HS2ST1: variants seen among roughly 807,000 people sequenced by gnomAD.
HS2ST1 encodes heparan sulfate 2-O-sulfotransferase 1.
Under a neutral mutation model 42.9 loss-of-function variants are expected in HS2ST1, and 18 were observed. The observed-to-expected ratio is 0.42, with a 90% confidence interval of 0.29 to 0.62. The LOEUF (loss-of-function observed/expected upper bound fraction) is 0.62, where lower values mean the gene tolerates loss of function less well. Ranked by LOEUF, HS2ST1 falls within the 20% of genes least tolerant of loss-of-function variation. The probability of loss-of-function intolerance (pLI) is 0.21; values close to 1 mark genes in which losing one functional copy is unlikely to be tolerated. For missense variants in HS2ST1, 334 were observed against 433.8 expected, an observed-to-expected ratio of 0.77 and a Z score of 2.04; for synonymous variants, 146 against 152.9, an observed-to-expected ratio of 0.95 and a Z score of 0.33.
At chr1:86,930,146 TA>T (rs1660514493) in intron 1 of HS2ST1, among the ~76,000 whole-genome samples, 1 of 151,922 alleles carries the variant, frequency 6.6e-6, no homozygotes, top group African/African-American at 2.4e-5. Context: ...GCATTATTCT[TA>T]AGTACAGGTC....
chr1:87,006,071 C>A (rs998506255), intron 1 of HS2ST1, among the ~76,000 whole-genome samples: 1 of 151,608 alleles, frequency 6.6e-6, no homozygotes, highest in African/African-American at 2.4e-5. Flanking sequence ...GTTATGAAAA[C>A]AAAACTTTAA....
intron 1 of HS2ST1, among the ~76,000 whole-genome samples, chr1:87,041,235 A>G (rs1263795382): frequency 2.1e-5 from 2 of 94,504 alleles, no homozygotes; most frequent in African/African-American, 7.3e-5. Flanking sequence ...TAAAAAAAAA[A>G]AAAAACAAAA....
intron 1 of HS2ST1, among the ~76,000 whole-genome samples, chr1:86,999,575 T>C (rs1649216859): frequency 6.6e-6 from 1 of 152,214 alleles, no homozygotes; most frequent in South Asian, 2.1e-4. Context: ...CAGTTTCAGC[T>C]CTTTTCTGTA....
intron 1 of HS2ST1, among the ~76,000 whole-genome samples, chr1:87,002,151 A>G (rs1227014992): frequency 6.6e-6 from 1 of 151,798 alleles, no homozygotes; most frequent in Non-Finnish European, 1.5e-5. Flanking sequence ...TGACCTCGTG[A>G]TCCACCCGCT....
intron 2 of HS2ST1, among the ~76,000 whole-genome samples, chr1:87,074,197 G>A (rs527809001): frequency 2.2e-4 from 33 of 152,140 alleles, no homozygotes; most frequent in African/African-American, 5.5e-4. Context: ...ACTCTTTTTT[G>A]TAGAACCAAA....
At chr1:87,056,694 G>A (rs1379149792) in intron 1 of HS2ST1, among the ~76,000 whole-genome samples, 3 of 152,092 alleles carry the variant, frequency 2.0e-5, no homozygotes, top group South Asian at 4.1e-4. Context: ...TAATGAATGT[G>A]ATTTTTTAAA....
intron 1 of HS2ST1, among the ~76,000 whole-genome samples, chr1:86,949,135 G>A (rs1175496321): frequency 1.3e-5 from 2 of 152,140 alleles, no homozygotes; most frequent in African/African-American, 4.8e-5. Flanking sequence ...TTAAGATGGA[G>A]TCTTGCTCTT....
intron 1 of HS2ST1, among the ~76,000 whole-genome samples, chr1:87,022,391 G>C (rs781658414): frequency 3.3e-5 from 5 of 152,186 alleles, no homozygotes; most frequent in Non-Finnish European, 7.4e-5. Context: ...ATGTTCCTTG[G>C]CTGTGTTAGG....
chr1:86,959,003 T>C (rs1234552242), intron 1 of HS2ST1, among the ~76,000 whole-genome samples: 2 of 152,206 alleles, frequency 1.3e-5, no homozygotes, highest in Non-Finnish European at 2.9e-5. Flanking sequence ...GTCATATCAG[T>C]AGATGCAGAA....
chr1:87,093,843 G>A (rs1192032983), intron 4 of HS2ST1, among the ~76,000 whole-genome samples: 3 of 151,904 alleles, frequency 2.0e-5, no homozygotes, highest in African/African-American at 7.3e-5. Flanking sequence ...CATGATGGGG[G>A]CAGTGGTTTT....
intron 1 of HS2ST1, among the ~76,000 whole-genome samples, chr1:87,026,742 T>C (rs1160973548): frequency 2.0e-5 from 3 of 152,064 alleles, no homozygotes; most frequent in Non-Finnish European, 4.4e-5. Flanking sequence ...CTACAGCCTC[T>C]GGATGAATGG....
intron 1 of HS2ST1, among the ~76,000 whole-genome samples, chr1:86,949,770 C>T (rs1647448129): frequency 6.6e-6 from 1 of 152,184 alleles, no homozygotes; most frequent in African/African-American, 2.4e-5. Context: ...TTACATTGGA[C>T]ACTGTTGTTC....
At chr1:87,035,813 CT>C (rs769101785) in intron 1 of HS2ST1, among the ~76,000 whole-genome samples, 1,952 of 140,456 alleles carry the variant, frequency 0.014, 16 homozygotes, top group Middle Eastern at 0.023. Context: ...AGACGAAAGA[CT>C]TTTTTTTTTT....
rs1481975186 is a variant in HS2ST1, at chr1:87,092,575, A to G, written c.494A>G (p.Asp165Gly). ...CCAATTTACATTAATGTCATAAGGG[A>G]TCCTATTGAGAGGCTAGTTTCTTAT... ...KKPIYINVIR[D>G]PIERLVSYYY... Residue 165 changes from aspartate (D) to glycine (G), a missense_variant, in exon 4 of 7, where the codon GAT becomes GGT. Asp to Gly is a moderately conservative substitution (Grantham distance 94). Coordinates refer to ENST00000370550, the MANE Select transcript of HS2ST1 (RefSeq NM_012262.4). 1.3e-6 allele frequency: 2 copies of G among 1,585,384 alleles called. No homozygotes were observed.
intron 1 of HS2ST1, among the ~76,000 whole-genome samples, chr1:86,935,256 C>T (rs1268447036): frequency 2.7e-5 from 4 of 150,018 alleles, no homozygotes; most frequent in African/African-American, 7.4e-5. Context: ...CTTTACTTTC[C>T]TATTTATTGT....
At chr1:87,054,986 C>T (rs899256265) in intron 1 of HS2ST1, among the ~76,000 whole-genome samples, 1 of 152,174 alleles carries the variant, frequency 6.6e-6, no homozygotes, top group Non-Finnish European at 1.5e-5. Context: ...TTTGAAACAG[C>T]TCCTTAATCA....
chr1:86,934,895 T>A (rs1660611733), intron 1 of HS2ST1: 1 of 127,430 alleles, frequency 7.8e-6, no homozygotes, highest in African/African-American at 3.2e-5. Flanking sequence ...GCCACTGCAT[T>A]CCTGCCTGGG....
intron 1 of HS2ST1, among the ~76,000 whole-genome samples, chr1:87,023,987 T>C (rs79299940): frequency 0.049 from 7,422 of 152,250 alleles, 311 homozygotes; most frequent in African/African-American, 0.12. Context: ...GAGGCATTAT[T>C]TAAGTTCTGT....
At chr1:87,064,396 A>G (rs1186647208) in intron 1 of HS2ST1, 1 of 491,602 alleles carries the variant, frequency 2.0e-6, no homozygotes, top group African/African-American at 1.9e-5. Flanking sequence ...GTGTGCCAGT[A>G]TTTTAGGTGT....
Sources: allele counts gnomAD v4.1 joint callset (sites outside exome capture counted in the v4.1 genomes callset), GRCh38; gene constraint gnomAD v4.1.1; transcripts MANE v1.5; gene names NCBI Gene and HGNC (gene_info 2026-07-23, HGNC 2026-07-21).